Variants in NPIPB7 observed in about 807,000 individuals in gnomAD.
The protein encoded by NPIPB7 is nuclear pore complex-interacting protein family member B7.
For missense variants in NPIPB7, 14 were observed against 238.5 expected (o/e 0.06, Z 6.20); for synonymous variants, 9 against 88.1 (o/e 0.10, Z 5.03).
upstream of NPIPB7, among the ~76,000 whole-genome samples, chr16:28,471,806 C>G (rs2045952184): frequency 1.3e-5 from 2 of 150,098 alleles, no homozygotes; most frequent in Admixed American, 1.3e-4. Context: ...TGTGTGTGGA[C>G]TTTAAATTCT....
At chr16:28,461,183 C>T in intron 4 of NPIPB7, among the ~76,000 whole-genome samples, 1 of 150,434 alleles carries the variant, frequency 6.6e-6, no homozygotes, top group Non-Finnish European at 1.5e-5. Context: ...TGAGGGTCTG[C>T]CAATGAAAGC....
chr16:28,462,169 C>G (rs2045875456), intron 4 of NPIPB7, among the ~76,000 whole-genome samples: 1 of 150,284 alleles, frequency 6.7e-6, no homozygotes, highest in African/African-American at 2.5e-5. Flanking sequence ...CCTCTAATCC[C>G]AGCACTTTGG....
chr16:28,471,953 C>T (rs546460971), upstream of NPIPB7, among the ~76,000 whole-genome samples: 2 of 152,156 alleles, frequency 1.3e-5, no homozygotes, highest in East Asian at 3.8e-4. Context: ...TCACTTGAAC[C>T]TGGAAGATGG....
chr16:28,463,420 C>CAT (rs1430159480), intron 2 of NPIPB7, among the ~76,000 whole-genome samples: 1 of 115,582 alleles, frequency 8.7e-6, no homozygotes, highest in African/African-American at 3.2e-5. Flanking sequence ...CACACACACA[C>CAT]ACACACACAC....
chr16:28,467,292 T>G, intron 1 of NPIPB7, among the ~76,000 whole-genome samples: 1 of 82,816 alleles, frequency 1.2e-5, no homozygotes, highest in Non-Finnish European at 2.6e-5. Flanking sequence ...TCCGCTCCAC[T>G]CAGTCGCCCA....
chr16:28,462,144 G>T (rs62034276), intron 4 of NPIPB7, among the ~76,000 whole-genome samples: 2 of 149,658 alleles, frequency 1.3e-5, no homozygotes, highest in East Asian at 2.0e-4. Context: ...AAAAGGCTGG[G>T]TGTGGTGGCT....
At chr16:28,463,389 T>TCACACACA (rs57853696) in intron 2 of NPIPB7, among the ~76,000 whole-genome samples, 9 of 45,826 alleles carry the variant, frequency 2.0e-4, no homozygotes, top group Non-Finnish European at 3.0e-4. Flanking sequence ...AGACTCTGTC[T>TCACACACA]CACACACACA....
Position 28,463,761 on chromosome 16 carries a change from G to T in NPIPB7, c.250-680C>A, listed in dbSNP as rs1180069481. On this transcript the variant is annotated intron_variant, in intron 2 of 6. Transcript: ENST00000452313. Reference sequence around the variant, plus strand: ...AAAAAAAAAAAAAAAAATAGCCCAGGTGCGGTAGCTCACGCCTGTAATCCC... The same window carrying T: ...AAAAAAAAAAAAAAAAATAGCCCAGTTGCGGTAGCTCACGCCTGTAATCCC... Among the ~76,000 whole-genome samples, 3 of 134,516 alleles carry T rather than the reference G, an allele frequency of 2.2e-5. No homozygotes were observed. In the Admixed American group the frequency reaches 2.4e-4, roughly 11 times the overall value. The allele number at this position is 134,516 out of a possible 152,430, so 88.2% of individuals were successfully genotyped here.
intron 1 of NPIPB7, chr16:28,469,931 C>T (rs1218761750): frequency 3.5e-6 from 1 of 285,794 alleles, no homozygotes; most frequent in Non-Finnish European, 6.7e-6. Flanking sequence ...GAGATCTTGC[C>T]ACTGCACTCC....
intron 4 of NPIPB7, among the ~76,000 whole-genome samples, chr16:28,461,947 CAAAA>C (rs56100146): frequency 3.3e-5 from 3 of 90,454 alleles, no homozygotes; most frequent in African/African-American, 1.4e-4. Flanking sequence ...GACTCTGTCT[CAAAA>C]AAAAAAAAAA....
At chr16:28,471,019 A>G, upstream of NPIPB7, 1 of 384,234 alleles carries the variant, frequency 2.6e-6, no homozygotes, top group Non-Finnish European at 4.6e-6. Context: ...CATCATTCCA[A>G]TGACCCCTCC....
At chr16:28,471,931 G>A (rs1292727289), upstream of NPIPB7, among the ~76,000 whole-genome samples, 1 of 152,206 alleles carries the variant, frequency 6.6e-6, no homozygotes, top group African/African-American at 2.4e-5. Flanking sequence ...TTGGTAGGCT[G>A]AGGCAGGAGA....
At chr16:28,468,690 C>T (rs1297228362) in intron 1 of NPIPB7, among the ~76,000 whole-genome samples, 1 of 142,644 alleles carries the variant, frequency 7.0e-6, no homozygotes, top group Non-Finnish European at 1.5e-5. Context: ...GCCTACAGTT[C>T]CAGCTACTTG....
At chr16:28,462,027 G>A (rs2045873762) in intron 4 of NPIPB7, among the ~76,000 whole-genome samples, 1 of 147,672 alleles carries the variant, frequency 6.8e-6, no homozygotes, top group East Asian at 2.1e-4. Context: ...AGCTGAGGCA[G>A]AATTGCTTCA....
At chr16:28,471,900 C>A (rs1047407968), upstream of NPIPB7, among the ~76,000 whole-genome samples, 2 of 152,150 alleles carry the variant, frequency 1.3e-5, no homozygotes, top group Non-Finnish European at 2.9e-5. Flanking sequence ...CATGGTGGCA[C>A]CTGCCTGTAG....
chr16:28,472,062 T>G (rs1322720099), upstream of NPIPB7, among the ~76,000 whole-genome samples: 1 of 152,228 alleles, frequency 6.6e-6, no homozygotes, highest in African/African-American at 2.4e-5. Flanking sequence ...TCACATTTCC[T>G]ATTTTCAAAA....
At chr16:28,468,785 T>G (rs1487853722) in intron 1 of NPIPB7, among the ~76,000 whole-genome samples, 2 of 99,236 alleles carry the variant, frequency 2.0e-5, no homozygotes, top group African/African-American at 3.3e-5. Flanking sequence ...TCAGCCTGGG[T>G]GACAGAGTGA....
upstream of NPIPB7, among the ~76,000 whole-genome samples, chr16:28,472,285 C>A (rs767008665): frequency 4.6e-5 from 7 of 151,814 alleles, no homozygotes; most frequent in Non-Finnish European, 8.8e-5. Flanking sequence ...GGTGTGGTGG[C>A]TAATTGGGAG....
At chr16:28,472,097 A>T (rs1372739236), upstream of NPIPB7, among the ~76,000 whole-genome samples, 1 of 152,230 alleles carries the variant, frequency 6.6e-6, no homozygotes, top group Non-Finnish European at 1.5e-5. Flanking sequence ...TATAGTAATT[A>T]AGACAGTGTT....
Sources: allele counts gnomAD v4.1 joint callset (sites outside exome capture counted in the v4.1 genomes callset), GRCh38; gene constraint gnomAD v4.1.1; transcripts MANE v1.5; gene names NCBI Gene and HGNC (gene_info 2026-07-23, HGNC 2026-07-21).